Variants in XKR9 observed in about 807,000 individuals in gnomAD.
XKR9 encodes XK-related protein 9.
XKR9 carries 32 observed loss-of-function variants against 32.0 expected under a neutral mutation model. That is an observed-to-expected ratio of 1.00 (90% CI 0.76 to 1.34). The LOEUF (loss-of-function observed/expected upper bound fraction) is 1.34, where lower values mean the gene tolerates loss of function less well. Among genes scored for constraint, XKR9 ranks in the 40% most tolerant of loss-of-function variants. The pLI is 0.00. For missense variants in XKR9, 546 were observed against 429.7 expected (o/e 1.27, Z -2.39); for synonymous variants, 168 against 143.4 (o/e 1.17, Z -1.22).
At chr8:70,767,916 C>T (rs1586890391) in intron 2 of XKR9, among the ~76,000 whole-genome samples, 1 of 152,116 alleles carries the variant, frequency 6.6e-6, no homozygotes, top group Admixed American at 6.6e-5. Flanking sequence ...TTTCATGTCT[C>T]TCTCTCCTCA....
At chr8:70,701,162 G>T (rs560437265) in intron 3 of XKR9, among the ~76,000 whole-genome samples, 1 of 152,302 alleles carries the variant, frequency 6.6e-6, no homozygotes, top group Admixed American at 6.5e-5. Flanking sequence ...GCCTCGCCCT[G>T]CTTCGGCTCG....
the XKR9 span, among the ~76,000 whole-genome samples, chr8:70,998,062 T>G: frequency 6.6e-6 from 1 of 152,206 alleles, no homozygotes; most frequent in Non-Finnish European, 1.5e-5. Context: ...ACAAAATTGT[T>G]AGATTAAACA....
intron 4 of XKR9, among the ~76,000 whole-genome samples, chr8:70,716,294 T>C (rs1428437781): frequency 1.3e-5 from 2 of 152,110 alleles, no homozygotes; most frequent in Non-Finnish European, 2.9e-5. Flanking sequence ...TTTTGAAAAG[T>C]AAGCAATAAA....
At chr8:70,702,189 A>G (rs1157486081) in intron 3 of XKR9, among the ~76,000 whole-genome samples, 1 of 152,264 alleles carries the variant, frequency 6.6e-6, no homozygotes. Context: ...TTCAATATTT[A>G]TAAAACTTTA....
At chr8:70,705,483 G>A (rs1023306596) in intron 3 of XKR9, among the ~76,000 whole-genome samples, 2 of 152,112 alleles carry the variant, frequency 1.3e-5, no homozygotes, top group African/African-American at 4.8e-5. Flanking sequence ...CCTGAATAAA[G>A]TTAAGGAGCA....
chr8:70,733,083 A>C (rs1806725985), intron 4 of XKR9, among the ~76,000 whole-genome samples: 1 of 152,198 alleles, frequency 6.6e-6, no homozygotes, highest in Admixed American at 6.5e-5. Flanking sequence ...CTCCAGCCAT[A>C]GTGACAGAGT....
At chr8:71,050,038 G>A in the XKR9 span, among the ~76,000 whole-genome samples, 1 of 151,884 alleles carries the variant, frequency 6.6e-6, no homozygotes, top group Non-Finnish European at 1.5e-5. Flanking sequence ...AGGCAGCATA[G>A]TATATTTGTT....
chr8:70,773,201 G>T (rs1213876361), intron 2 of XKR9, among the ~76,000 whole-genome samples: 1 of 152,178 alleles, frequency 6.6e-6, no homozygotes, highest in African/African-American at 2.4e-5. Context: ...CAGTTTACAA[G>T]TGTCTTTGAG....
At chr8:70,992,693 C>A in the XKR9 span, among the ~76,000 whole-genome samples, 10 of 152,330 alleles carry the variant, frequency 6.6e-5, no homozygotes, top group African/African-American at 2.4e-4. Flanking sequence ...TTACTAGTAA[C>A]AAGTTCTGTC....
chr8:70,825,379 AT>A, the XKR9 span, among the ~76,000 whole-genome samples: 11 of 151,894 alleles, frequency 7.2e-5, no homozygotes, highest in African/African-American at 2.7e-4. Flanking sequence ...TCCTCCTCTT[AT>A]GTCTTCCTTC....
chr8:70,977,633 C>G, the XKR9 span, among the ~76,000 whole-genome samples: 1 of 152,158 alleles, frequency 6.6e-6, no homozygotes, highest in African/African-American at 2.4e-5. Flanking sequence ...TTTACATTTG[C>G]TGAGGAGTCC....
the XKR9 span, among the ~76,000 whole-genome samples, chr8:70,808,714 G>T: frequency 2.0e-5 from 3 of 152,236 alleles, no homozygotes; most frequent in African/African-American, 7.2e-5. Flanking sequence ...ACAGCAGTCT[G>T]AGATAAAACT....
chr8:70,877,453 A>C, the XKR9 span, among the ~76,000 whole-genome samples: 158 of 152,248 alleles, frequency 1.0e-3, 1 homozygote, highest in Middle Eastern at 6.8e-3. Flanking sequence ...AGGCCTAGAT[A>C]ATTTAAGTGA....
At chr8:70,688,247 G>A (rs1217399576) in intron 3 of XKR9, among the ~76,000 whole-genome samples, 2 of 152,180 alleles carry the variant, frequency 1.3e-5, no homozygotes, top group African/African-American at 2.4e-5. Flanking sequence ...AAGGTGAAAT[G>A]TGTGTGTCTT....
chr8:70,797,571 C>G, the XKR9 span, among the ~76,000 whole-genome samples: 18 of 146,160 alleles, frequency 1.2e-4, no homozygotes, highest in African/African-American at 4.5e-4. Context: ...TTTTTTTTTT[C>G]ACTTTTATTT....
chr8:70,905,417 C>G, the XKR9 span, among the ~76,000 whole-genome samples: 1 of 152,148 alleles, frequency 6.6e-6, no homozygotes, highest in Non-Finnish European at 1.5e-5. Context: ...AAATTGGCTA[C>G]TGAATCTTGT....
the XKR9 span, among the ~76,000 whole-genome samples, chr8:70,878,592 C>T: frequency 2.0e-5 from 3 of 152,156 alleles, no homozygotes; most frequent in African/African-American, 7.2e-5. Flanking sequence ...ACCAATTCAA[C>T]AAGAAGAGCT....
rs1433974978 is a variant in XKR9, at chr8:70,733,868, C to T, written c.566C>T (p.Ser189Phe). The change falls in exon 5 of 5, where the codon TCC (serine) becomes TTC (phenylalanine). Residue 189 changes from serine to phenylalanine, a missense_variant. Coordinates refer to ENST00000408926, the MANE Select transcript of XKR9 (RefSeq NM_001011720.2). ...GATTATCAAGTAGCTTTAAGAAAATCCTTGCCTGACAAAAAGCTTCTTAAT... is the reference window on the plus strand; with the variant it reads ...GATTATCAAGTAGCTTTAAGAAAATTCTTGCCTGACAAAAAGCTTCTTAAT... Reference protein sequence around the residue: ...TVDYQVALRKSLPDKKLLNGL... With the variant: ...TVDYQVALRKFLPDKKLLNGL... 2 of 1,609,778 alleles carry T rather than the reference C, an allele frequency of 1.2e-6. No homozygotes were observed. The highest frequency in any genetic ancestry group is 2.7e-5 in the African/African-American group (2 of 74,770).
intron 2 of XKR9, among the ~76,000 whole-genome samples, chr8:70,675,665 C>T (rs2132100637): frequency 6.6e-6 from 1 of 152,280 alleles, no homozygotes; most frequent in African/African-American, 2.4e-5. Flanking sequence ...TTCAAACTTC[C>T]ATAGATCTCT....
Sources: allele counts gnomAD v4.1 joint callset (sites outside exome capture counted in the v4.1 genomes callset), GRCh38; gene constraint gnomAD v4.1.1; transcripts MANE v1.5; gene names NCBI Gene and HGNC (gene_info 2026-07-23, HGNC 2026-07-21).